LRMDA: variants seen among roughly 807,000 people sequenced by gnomAD.
LRMDA encodes leucine rich melanocyte differentiation associated.
LRMDA carries 18 observed loss-of-function variants against 29.8 expected under a neutral mutation model. The observed-to-expected ratio is 0.60, with a 90% CI of 0.42 to 0.90. The LOEUF (loss-of-function observed/expected upper bound fraction) is 0.90. LRMDA is among the 40% of genes least tolerant of loss of function. The pLI is 0.00. For synonymous variants in LRMDA, 125 were observed against 109.4 expected (o/e 1.14, Z -0.89); for missense variants, 273 against 273.9 (o/e 1.00, Z 0.02).
chr10:75,589,461 A>C (rs1460966356), intron 2 of LRMDA, among the ~76,000 whole-genome samples: 1 of 152,022 alleles, frequency 6.6e-6, no homozygotes, highest in African/African-American at 2.4e-5. Context: ...GTCTTTCTAA[A>C]ATTGTTTTTG....
chr10:75,691,077 G>A (rs7071966), intron 2 of LRMDA, among the ~76,000 whole-genome samples: 1 of 82,420 alleles, frequency 1.2e-5, no homozygotes, highest in African/African-American at 5.8e-5. Context: ...TAGATATATA[G>A]ATCTATATAT....
At chr10:75,711,388 A>G (rs945927678) in intron 2 of LRMDA, among the ~76,000 whole-genome samples, 3 of 152,208 alleles carry the variant, frequency 2.0e-5, no homozygotes, top group African/African-American at 7.2e-5. Context: ...AGTCACATAC[A>G]TGAAAATGCT....
At chr10:76,362,126 C>T (rs1027133623) in intron 6 of LRMDA, among the ~76,000 whole-genome samples, 1 of 152,182 alleles carries the variant, frequency 6.6e-6, no homozygotes, top group African/African-American at 2.4e-5. Flanking sequence ...CACGACACTG[C>T]CATAGCCTCT....
In LRMDA at chr10:76,418,592, A is replaced by G. The variant is rs1414999359; in HGVS notation, c.601+94107A>G. 3.3e-5 allele frequency among the ~76,000 whole-genome samples: 5 copies of G among 151,890 alleles called. No homozygotes were observed. The East Asian group carries it at 7.7e-4, about 24-fold the overall frequency. ...TCTCCCTGTAATAATTTTTTTCTTT[A>G]TACCTATTCCTTTTATTTCATTTCT... On this transcript the variant is annotated intron_variant, in intron 6 of 6. Coordinates refer to ENST00000611255, the MANE Select transcript of LRMDA (RefSeq NM_001305581.2).
chr10:76,492,411 C>T (rs997327019), intron 6 of LRMDA, among the ~76,000 whole-genome samples: 2 of 152,128 alleles, frequency 1.3e-5, no homozygotes, highest in Admixed American at 1.3e-4. Flanking sequence ...AGGAACACGC[C>T]AAACCCATAA....
intron 6 of LRMDA, among the ~76,000 whole-genome samples, chr10:76,330,180 A>C (rs1440615089): frequency 6.6e-6 from 1 of 152,200 alleles, no homozygotes; most frequent in East Asian, 1.9e-4. Flanking sequence ...ACTTTTCCTC[A>C]TCTATTATAA....
intron 2 of LRMDA, among the ~76,000 whole-genome samples, chr10:75,846,365 C>G (rs1248153352): frequency 6.6e-6 from 1 of 151,954 alleles, no homozygotes; most frequent in Non-Finnish European, 1.5e-5. Flanking sequence ...AGGCAAAAGC[C>G]AAATAATGAG....
intron 2 of LRMDA, among the ~76,000 whole-genome samples, chr10:75,815,052 A>G: frequency 6.6e-6 from 1 of 152,202 alleles, no homozygotes; most frequent in East Asian, 1.9e-4. Flanking sequence ...TTTCCCTACC[A>G]TGGATGAACA....
intron 2 of LRMDA, among the ~76,000 whole-genome samples, chr10:75,563,420 T>C (rs939387082): frequency 6.6e-6 from 1 of 152,140 alleles, no homozygotes; most frequent in Non-Finnish European, 1.5e-5. Context: ...TTATGCTAGT[T>C]ATACATTTGT....
intron 2 of LRMDA, chr10:75,782,939 C>A (rs1003812752): frequency 6.2e-7 from 1 of 1,613,190 alleles, no homozygotes; most frequent in African/African-American, 1.3e-5. Flanking sequence ...GTGTAGCCAT[C>A]AAGAATTTGA....
intron 2 of LRMDA, among the ~76,000 whole-genome samples, chr10:75,995,247 C>T (rs1847442158): frequency 6.6e-6 from 1 of 152,160 alleles, no homozygotes; most frequent in African/African-American, 2.4e-5. Flanking sequence ...TCTTTCCTGC[C>T]TCCTTTCAGA....
At position 75,839,271 on chromosome 10, in the gene LRMDA, AAG is replaced by A. The variant is rs1844493448; in HGVS notation, c.132-196732_132-196731del. The stretch of plus-strand genomic sequence containing the variant: ...TGAGAAATAGGTGCAGCATGCTGAG[AAG>A]AGAGTGGAGCAAACAGATGTTGTGA... On this transcript the variant is annotated intron_variant, in intron 2 of 6. Transcript: ENST00000611255. 2.0e-5 allele frequency among the ~76,000 whole-genome samples: 3 copies of A among 152,340 alleles called. No individual in the cohort carries two copies. In the South Asian group the frequency reaches 6.2e-4, roughly 32 times the overall value.
At chr10:75,542,149 G>T (rs974496358) in intron 2 of LRMDA, among the ~76,000 whole-genome samples, 2 of 152,186 alleles carry the variant, frequency 1.3e-5, no homozygotes, top group South Asian at 4.1e-4. Flanking sequence ...CTGACAAAGG[G>T]TGCTGACAGT....
At chr10:75,653,771 G>A (rs900341610) in intron 2 of LRMDA, among the ~76,000 whole-genome samples, 1 of 152,172 alleles carries the variant, frequency 6.6e-6, no homozygotes, top group Non-Finnish European at 1.5e-5. Flanking sequence ...TTATACTTGT[G>A]TGTGAAAATG....
chr10:75,620,689 C>T (rs7895659), intron 2 of LRMDA, among the ~76,000 whole-genome samples: 57,767 of 152,064 alleles, frequency 0.38, 12,159 homozygotes, highest in Middle Eastern at 0.48. Flanking sequence ...TCAAATCCAT[C>T]TTCTTTGTAA....
At chr10:75,572,451 A>T (rs889772978) in intron 2 of LRMDA, among the ~76,000 whole-genome samples, 1 of 152,050 alleles carries the variant, frequency 6.6e-6, no homozygotes, top group African/African-American at 2.4e-5. Flanking sequence ...AATGCCTACC[A>T]CATAGGAGAG....
intron 5 of LRMDA, among the ~76,000 whole-genome samples, chr10:76,274,795 A>T (rs1000512439): frequency 6.6e-6 from 1 of 152,156 alleles, no homozygotes; most frequent in Admixed American, 6.5e-5. Flanking sequence ...TCAATTTTAC[A>T]CAGGATCACT....
At chr10:75,515,783 A>T (rs966535219) in intron 2 of LRMDA, among the ~76,000 whole-genome samples, 1 of 151,958 alleles carries the variant, frequency 6.6e-6, no homozygotes, top group Admixed American at 6.6e-5. Context: ...TACTTGTACC[A>T]TGTTGGTTTG....
chr10:75,938,582 TG>T (rs1846334994), intron 2 of LRMDA, among the ~76,000 whole-genome samples: 1 of 152,184 alleles, frequency 6.6e-6, no homozygotes, highest in African/African-American at 2.4e-5. Context: ...CCCCTACCTC[TG>T]GAACTACGAG....
Sources: gnomAD v4.1 joint callset for allele counts (sites outside exome capture counted in the v4.1 genomes callset) on GRCh38, gnomAD v4.1.1 for gene constraint, MANE v1.5 for transcripts, NCBI Gene and HGNC (gene_info 2026-07-23, HGNC 2026-07-21) for gene names.